The following MARF1 variants were observed in gnomAD, a reference collection of about 807,000 sequenced individuals.
MARF1 encodes meiosis regulator and mRNA stability factor 1, also known as limkain-b1.
A neutral mutation model predicts 168.2 loss-of-function variants in MARF1; 24 were observed. That is an observed-to-expected ratio of 0.14 (90% CI 0.10 to 0.20). MARF1 has a LOEUF of 0.20. MARF1 is among the 10% of genes least tolerant of loss of function. MARF1 has a pLI of 1.00. For missense variants in MARF1, 1,744 were observed against 2,143.6 expected, an observed-to-expected ratio of 0.81 and a Z score of 3.68; for synonymous variants, 868 against 822.4, an observed-to-expected ratio of 1.06 and a Z score of -0.95.
intron 7 of MARF1, among the ~76,000 whole-genome samples, chr16:15,627,907 C>T (rs1057174914): frequency 1.3e-5 from 2 of 152,162 alleles, no homozygotes. Flanking sequence ...ATTAGTACCA[C>T]CTTCCTGGAG....
At chr16:15,624,498 T>C (rs766366047) in intron 10 of MARF1, among the ~76,000 whole-genome samples, 1 of 152,172 alleles carries the variant, frequency 6.6e-6, no homozygotes, top group Non-Finnish European at 1.5e-5. Flanking sequence ...CATCTTTACA[T>C]GCCCCCCTGC....
chr16:15,637,995 C>T (rs764816410), intron 2 of MARF1, among the ~76,000 whole-genome samples: 1 of 151,774 alleles, frequency 6.6e-6, no homozygotes, highest in Middle Eastern at 3.4e-3. Flanking sequence ...GGTGAAACCC[C>T]ATCTCTACTA....
chr16:15,597,125 A>G (rs1428642652), intron 26 of MARF1, among the ~76,000 whole-genome samples, 188 bp from the exon 27 acceptor site: 2 of 152,210 alleles, frequency 1.3e-5, no homozygotes, highest in South Asian at 2.1e-4. Context: ...AAGTATCTAT[A>G]AACTGCATCC....
At chr16:15,603,013 C>G (rs2032660108) in intron 22 of MARF1, among the ~76,000 whole-genome samples, 1 of 152,200 alleles carries the variant, frequency 6.6e-6, no homozygotes, top group Non-Finnish European at 1.5e-5. Context: ...ATGGAATCGC[C>G]AAGAGAAAGG....
At chr16:15,626,367 T>C (rs2151222692) in intron 7 of MARF1, among the ~76,000 whole-genome samples, 1 of 152,336 alleles carries the variant, frequency 6.6e-6, no homozygotes, top group East Asian at 1.9e-4. Flanking sequence ...CTGAATTTTG[T>C]AATATGTAAA....
chr16:15,621,179 A>G (rs925966854), intron 12 of MARF1, among the ~76,000 whole-genome samples: 3 of 152,196 alleles, frequency 2.0e-5, no homozygotes, highest in Non-Finnish European at 4.4e-5. Flanking sequence ...TGATCATCCA[A>G]GGAAACACTC....
rs147492566 is a variant in MARF1, at chr16:15,628,385, T to A, written c.1524+1947A>T. Among the ~76,000 whole-genome samples, 394 of 152,202 alleles carry A rather than the reference T, an allele frequency of 2.6e-3. 5 individuals carry two copies. Among genetic ancestry groups the A allele is most frequent in the African/African-American group, 8.8e-3 (366 of 41,534 alleles). On this transcript the variant is annotated intron_variant, in intron 7 of 26. Coordinates refer to ENST00000396368, the MANE Select transcript of MARF1 (RefSeq NM_014647.4). ...TGTGTTTTGTTTGTTTTTACAATGA[T>A]CATACCATACTATTCTTTTCTTTCT...
chr16:15,617,621 TA>T, intron 13 of MARF1, 86 bp from the exon 14 acceptor site: 1 of 857,606 alleles, frequency 1.2e-6, no homozygotes. Context: ...TAAAGAACAA[TA>T]ACCAAGAATG....
In MARF1 at chr16:15,636,000, C is replaced by T. The variant is rs1175659184; in HGVS notation, c.487G>A (p.Ala163Thr). ...CCTGCCAAATTGTTCCTAGCTGAGG[C>T]ATTCTGGAGTGAAGATGCAGACTGG... ...AFQSASSLQN[A>T]SARNNLAGIA... Residue 163 changes from alanine to threonine, a missense_variant, in exon 3 of 27, where the codon GCC (alanine) becomes ACC (threonine). Coordinates refer to ENST00000396368, the MANE Select transcript of MARF1 (RefSeq NM_014647.4). 1 of 1,614,068 alleles carries T rather than the reference C, an allele frequency of 6.2e-7. No individual in the cohort carries two copies. Among genetic ancestry groups the T allele is most frequent in the African/African-American group, 1.3e-5 (1 of 74,928 alleles).
At position 15,625,032 on chromosome 16, in the gene MARF1, A is replaced by AAACGGGTTC; in HGVS notation, c.2086_2094dup (p.Glu696_Val698dup). ...TTCACATACTTCTGACTGGTTTTGT[A>AAACGGGTTC]AACGGGTTCTGCCACCCCCGAGTTT... On this transcript the variant is annotated inframe_insertion, in exon 9 of 27. Coordinates refer to ENST00000396368, the MANE Select transcript of MARF1 (RefSeq NM_014647.4). 6.2e-7 allele frequency: 1 copy of AAACGGGTTC among 1,614,218 alleles called. No individual in the cohort carries two copies. Among genetic ancestry groups the AAACGGGTTC allele is most frequent in the South Asian group, 1.1e-5 (1 of 91,084 alleles).
intron 12 of MARF1, 69 bp from the exon 13 acceptor site, chr16:15,620,600 C>A: frequency 9.8e-7 from 1 of 1,023,078 alleles, no homozygotes; most frequent in Non-Finnish European, 1.4e-6. Flanking sequence ...AAACAGAGTT[C>A]ATAAAATTAA....
intron 2 of MARF1, among the ~76,000 whole-genome samples, chr16:15,637,035 G>A (rs2035644786): frequency 6.6e-6 from 1 of 152,204 alleles, no homozygotes; most frequent in African/African-American, 2.4e-5. Flanking sequence ...GACACAGGAA[G>A]CCAGTATATT....
chr16:15,609,613 G>A lies in MARF1; in HGVS notation c.3864C>T (p.Tyr1288=), dbSNP rs763795221. The change falls in exon 20 of 27, where the codon TAC becomes TAT. Residue 1288 remains tyrosine, a synonymous_variant. Transcript: ENST00000396368. ...RMPFNKFIPS[Y]HHHFGRQCKL... is the part of the protein sequence containing the mutation. ...TGCACTGCCGGCCAAAGTGGTGATGGTAAGAAGGGATAAATTTATTAAAGG... is the reference window on the plus strand; with the variant it reads ...TGCACTGCCGGCCAAAGTGGTGATGATAAGAAGGGATAAATTTATTAAAGG... 4 of 1,614,166 alleles carry A rather than the reference G, an allele frequency of 2.5e-6. No homozygotes were observed. Among genetic ancestry groups the A allele is most frequent in the Non-Finnish European group, 3.4e-6 (4 of 1,180,018 alleles).
intron 25 of MARF1, 63 bp from the exon 26 acceptor site, chr16:15,599,087 T>C (rs1229905095): frequency 6.8e-7 from 1 of 1,470,536 alleles, no homozygotes; most frequent in African/African-American, 1.4e-5. Context: ...GCACACACCC[T>C]GGGCTCACAC....
At position 15,643,153 on chromosome 16, in the gene MARF1, G is replaced by A; in HGVS notation, c.-194C>T. 3.7e-6 allele frequency: 1 copy of A among 270,358 alleles called. No homozygotes were observed. The highest frequency in any genetic ancestry group is 2.8e-5 in the South Asian group (1 of 35,568). The allele number at this position is 270,358 out of a possible 1,614,324, so 16.7% of individuals were successfully genotyped here. On this transcript the variant is annotated 5_prime_UTR_variant, in exon 1 of 27. Transcript: ENST00000396368. ...AAGCGCACCCTTCACTTCCGCTTCC[G>A]CACCGCACCGCCCCTGTCGCAAAAC...
intron 11 of MARF1, 63 bp from the exon 12 acceptor site, chr16:15,621,974 G>C (rs2151190086): frequency 6.7e-7 from 1 of 1,484,588 alleles, no homozygotes; most frequent in South Asian, 1.2e-5. Flanking sequence ...TCTTAAAACT[G>C]AAGGTGAACC....
rs949493013 is a variant in MARF1 at position 15,611,103 on chromosome 16, A to G, written c.3623T>C (p.Phe1208Ser). The G allele has an allele frequency of 6.2e-7, 1 of 1,613,732 alleles. No individual in the cohort carries two copies. The highest frequency in any genetic ancestry group is 1.3e-5 in the African/African-American group (1 of 74,916). Residue 1208 changes from phenylalanine (F) to serine (S), a missense_variant, in exon 19 of 27, where the codon TTC (phenylalanine) becomes TCC (serine). Phe to Ser is a radical substitution (Grantham distance 155, BLOSUM62 -2). Coordinates refer to ENST00000396368, the MANE Select transcript of MARF1 (RefSeq NM_014647.4). ...REFSQAYHWC[F>S]SKDWDVTEYG... ...TTCAGTGACATCCCAGTCCTTTGAG[A>G]AACACCTAGGTTTTAACAACGGAAG...
chr16:15,617,487 C>T lies in MARF1; in HGVS notation c.2769G>A (p.Thr923=), dbSNP rs370497676. The change falls in exon 14 of 27, where the codon ACG becomes ACA. Residue 923 remains threonine (T), a synonymous_variant. Coordinates refer to ENST00000396368, the MANE Select transcript of MARF1 (RefSeq NM_014647.4). ...NVSDLYKLTD[T]VAIREQGNGR... ...CGTTTCCTTGTTCACGGATTGCGACCGTGTCTGTTAATTTATATAGATCTG... is the reference window on the plus strand; with the variant it reads ...CGTTTCCTTGTTCACGGATTGCGACTGTGTCTGTTAATTTATATAGATCTG... 400 of 1,613,518 alleles carry T rather than the reference C, an allele frequency of 2.5e-4. No homozygotes were observed. Among genetic ancestry groups the T allele is most frequent in the Non-Finnish European group, 3.1e-4 (365 of 1,180,020 alleles).
At position 15,608,322 on chromosome 16, in the gene MARF1, G is replaced by A. The variant is rs576794565; in HGVS notation, c.4151C>T (p.Ala1384Val). The change falls in exon 21 of 27, where the codon GCT becomes GTT. Residue 1384 changes from alanine (A) to valine (V), a missense_variant. Transcript: ENST00000396368. ...GACATGGCAGAGTTTCTGAGTTAAA[G>A]CCGAAATGGAACTGACATCATAGTC... ...LQDYDVSSISALTQKLCHVVK... is the reference protein window; with the variant it reads ...LQDYDVSSISVLTQKLCHVVK... 1 of 1,564,692 alleles carries A rather than the reference G, an allele frequency of 6.4e-7. No individual in the cohort carries two copies. The highest frequency in any genetic ancestry group is 2.3e-5 in the East Asian group (1 of 43,862).
Sources: allele counts gnomAD v4.1 joint callset (sites outside exome capture counted in the v4.1 genomes callset), GRCh38; gene constraint gnomAD v4.1.1; transcripts MANE v1.5; gene names NCBI Gene and HGNC (gene_info 2026-07-23, HGNC 2026-07-21).